DDX10: variants seen among roughly 807,000 people sequenced by gnomAD.
DDX10 encodes the protein probable ATP-dependent RNA helicase DDX10.
DDX10 carries 74 observed loss-of-function variants against 104.3 expected under a neutral mutation model. The ratio of observed to expected loss-of-function variants is 0.71; its 90% CI spans 0.59 to 0.86. DDX10 has a LOEUF of 0.86. Ranked by LOEUF, DDX10 falls within the 40% of genes least tolerant of loss-of-function variation. DDX10 has a pLI of 0.00. For synonymous variants in DDX10, 351 were observed against 353.4 expected (o/e 0.99, Z 0.08); for missense variants, 952 against 1,040.0 (o/e 0.92, Z 1.16).
chr11:108,725,738 A>G (rs372248718), intron 13 of DDX10, among the ~76,000 whole-genome samples: 21 of 152,068 alleles, frequency 1.4e-4, no homozygotes, highest in African/African-American at 5.1e-4. Context: ...CTCCCAATCT[A>G]TGGCTTGTTT....
At chr11:108,691,095 A>G (rs996211946) in intron 7 of DDX10, 3 of 152,244 alleles carry the variant, frequency 2.0e-5, no homozygotes, top group South Asian at 4.1e-4. Context: ...GAGAAAGTGA[A>G]TGGCTAGTGA....
At chr11:108,801,367 A>T (rs529197688) in intron 13 of DDX10, among the ~76,000 whole-genome samples, 1 of 152,288 alleles carries the variant, frequency 6.6e-6, no homozygotes, top group East Asian at 1.9e-4. Flanking sequence ...AATGCTTGAG[A>T]TAAGTGTACT....
intron 13 of DDX10, among the ~76,000 whole-genome samples, chr11:108,796,911 G>A (rs139178401): frequency 5.3e-5 from 8 of 152,238 alleles, no homozygotes; most frequent in South Asian, 2.1e-4. Flanking sequence ...TGCCTTTCAC[G>A]GTGTTATAAT....
chr11:108,822,003 A>G (rs932562242), intron 13 of DDX10, among the ~76,000 whole-genome samples: 3 of 152,260 alleles, frequency 2.0e-5, no homozygotes, highest in Non-Finnish European at 4.4e-5. Context: ...ATAACCAGTT[A>G]TATAAATCTA....
At chr11:108,690,079 A>C (rs1421628220) in intron 7 of DDX10, among the ~76,000 whole-genome samples, 1 of 152,072 alleles carries the variant, frequency 6.6e-6, no homozygotes, top group Non-Finnish European at 1.5e-5. Flanking sequence ...TCAGTTTTTC[A>C]AGGACCGATT....
chr11:108,830,166 A>T (rs1416532875), intron 13 of DDX10, among the ~76,000 whole-genome samples: 2 of 152,212 alleles, frequency 1.3e-5, no homozygotes, highest in African/African-American at 2.4e-5. Context: ...ATGGTCATTT[A>T]AAAATATTGA....
chr11:108,828,395 A>C (rs981766365), intron 13 of DDX10, among the ~76,000 whole-genome samples: 1 of 152,144 alleles, frequency 6.6e-6, no homozygotes, highest in Non-Finnish European at 1.5e-5. Context: ...GAGTGAGAAC[A>C]TTTGATGTTT....
At chr11:108,835,862 T>TAGC (rs1270448409) in intron 13 of DDX10, among the ~76,000 whole-genome samples, 1 of 151,800 alleles carries the variant, frequency 6.6e-6, no homozygotes, top group African/African-American at 2.4e-5. Context: ...GTAGGGAGAG[T>TAGC]AGCCTTTGAT....
chr11:108,841,113 A>C (rs1190981941), intron 14 of DDX10, among the ~76,000 whole-genome samples: 1 of 152,164 alleles, frequency 6.6e-6, no homozygotes, highest in Non-Finnish European at 1.5e-5. Flanking sequence ...TCCTGTTCTC[A>C]TTGGGTATGG....
At chr11:108,747,254 C>T (rs575899936) in intron 13 of DDX10, among the ~76,000 whole-genome samples, 19 of 152,012 alleles carry the variant, frequency 1.2e-4, no homozygotes, top group Non-Finnish European at 2.6e-4. Context: ...TTAAGGTAGA[C>T]TAGTTTGGTC....
intron 13 of DDX10, among the ~76,000 whole-genome samples, chr11:108,750,388 A>G (rs1266197999): frequency 6.6e-6 from 1 of 152,214 alleles, no homozygotes; most frequent in African/African-American, 2.4e-5. Context: ...TAGGAAGATA[A>G]TGGGAAATAT....
intron 13 of DDX10, among the ~76,000 whole-genome samples, chr11:108,773,900 A>G (rs2094366538): frequency 6.6e-6 from 1 of 152,206 alleles, no homozygotes; most frequent in African/African-American, 2.4e-5. Flanking sequence ...AGAGAAGCAT[A>G]AAAGAAGATG....
chr11:108,744,911 G>C (rs1052560677), intron 13 of DDX10, among the ~76,000 whole-genome samples: 28 of 152,152 alleles, frequency 1.8e-4, no homozygotes, highest in African/African-American at 6.0e-4. Context: ...GATGTGATAG[G>C]TGAAGAAAGA....
chr11:108,687,946 C>A (rs1246113924), intron 6 of DDX10, among the ~76,000 whole-genome samples: 1 of 152,090 alleles, frequency 6.6e-6, no homozygotes, highest in African/African-American at 2.4e-5. Context: ...AATGTATAGC[C>A]CCCTGATAAA....
intron 13 of DDX10, among the ~76,000 whole-genome samples, chr11:108,782,802 C>T (rs1323296302): frequency 6.6e-6 from 1 of 151,954 alleles, no homozygotes; most frequent in Admixed American, 6.6e-5. Context: ...TACATAGAAT[C>T]CAATAAGAAA....
intron 17 of DDX10, 64 bp downstream of exon 17, chr11:108,918,082 C>A: frequency 1.3e-6 from 2 of 1,481,516 alleles, no homozygotes; most frequent in East Asian, 2.3e-5. Flanking sequence ...TTTAATGAAT[C>A]CAAAAGACAT....
intron 1 of DDX10, among the ~76,000 whole-genome samples, chr11:108,665,945 A>G (rs916349633): frequency 2.0e-5 from 3 of 152,178 alleles, no homozygotes; most frequent in African/African-American, 7.2e-5. Context: ...ATTGGCCTAG[A>G]AAAGCTGGAC....
chr11:108,778,776 A>G (rs2094373695), intron 13 of DDX10, among the ~76,000 whole-genome samples: 1 of 152,248 alleles, frequency 6.6e-6, no homozygotes, highest in South Asian at 2.1e-4. Context: ...AATGGGAGAA[A>G]GTTTTTACAA....
intron 16 of DDX10, chr11:108,860,608 C>T (rs75839228): frequency 0.022 from 3,395 of 151,948 alleles, 83 homozygotes; most frequent in African/African-American, 0.062. Context: ...TGCAGTGGTG[C>T]GACCTCAGCT....
Sources: gnomAD v4.1 joint callset for allele counts (sites outside exome capture counted in the v4.1 genomes callset) on GRCh38, gnomAD v4.1.1 for gene constraint, MANE v1.5 for transcripts, NCBI Gene and HGNC (gene_info 2026-07-23, HGNC 2026-07-21) for gene names.